Variants in ENTREP2 observed in about 807,000 individuals in gnomAD.
ENTREP2 encodes protein ENTREP2.
chr15:29,544,441 G>A, the ENTREP2 span, among the ~76,000 whole-genome samples: 1 of 149,050 alleles, frequency 6.7e-6, no homozygotes. Context: ...ACAGCCATGT[G>A]AATGTACCTA....
At chr15:29,174,671 CAG>C in the ENTREP2 span, among the ~76,000 whole-genome samples, 1 of 140,758 alleles carries the variant, frequency 7.1e-6, no homozygotes, top group Non-Finnish European at 1.5e-5. Context: ...GCCTGGGCGA[CAG>C]AGTGAGACTC....
At chr15:29,191,271 T>C in the ENTREP2 span, among the ~76,000 whole-genome samples, 2 of 152,184 alleles carry the variant, frequency 1.3e-5, no homozygotes, top group African/African-American at 4.8e-5. Flanking sequence ...ATCTTAATTA[T>C]GCTAACTATT....
the ENTREP2 span, among the ~76,000 whole-genome samples, chr15:29,438,298 C>T: frequency 6.6e-6 from 1 of 152,188 alleles, no homozygotes; most frequent in Non-Finnish European, 1.5e-5. Flanking sequence ...TGCAGCCTCC[C>T]CAGTGTTAAA....
the ENTREP2 span, among the ~76,000 whole-genome samples, chr15:29,329,922 G>C: frequency 7.9e-5 from 12 of 152,318 alleles, no homozygotes; most frequent in East Asian, 2.1e-3. Flanking sequence ...ACTTTATGTA[G>C]ATACTCCGCC....
the ENTREP2 span, among the ~76,000 whole-genome samples, chr15:29,583,938 A>C: frequency 6.6e-6 from 1 of 152,212 alleles, no homozygotes; most frequent in Non-Finnish European, 1.5e-5. Flanking sequence ...AACTCTTTGA[A>C]GAAAATATAG....
chr15:29,648,992 G>A, the ENTREP2 span, among the ~76,000 whole-genome samples: 1 of 150,624 alleles, frequency 6.6e-6, no homozygotes, highest in African/African-American at 2.4e-5. Context: ...TTCACCCAAA[G>A]TTGAGCCATC....
chr15:29,158,405 C>CTTTTT, the ENTREP2 span, among the ~76,000 whole-genome samples: 16 of 133,174 alleles, frequency 1.2e-4, 1 homozygote, highest in African/African-American at 4.6e-4. Flanking sequence ...TTATCTCTGC[C>CTTTTT]TTTTTTTTTT....
chr15:29,303,332 T>G, the ENTREP2 span, among the ~76,000 whole-genome samples: 2 of 152,270 alleles, frequency 1.3e-5, no homozygotes, highest in Non-Finnish European at 2.9e-5. Flanking sequence ...TCTTAGTTGA[T>G]GTAGTCAGCT....
chr15:29,372,890 T>C, the ENTREP2 span, among the ~76,000 whole-genome samples: 2 of 152,046 alleles, frequency 1.3e-5, no homozygotes, highest in Non-Finnish European at 2.9e-5. Flanking sequence ...AAAAAAATAA[T>C]ATTGGGAAAA....
the ENTREP2 span, among the ~76,000 whole-genome samples, chr15:29,298,514 C>G: frequency 6.6e-6 from 1 of 151,968 alleles, no homozygotes; most frequent in Non-Finnish European, 1.5e-5. Flanking sequence ...TAACTACTAT[C>G]AGAAATGGAA....
the ENTREP2 span, among the ~76,000 whole-genome samples, chr15:29,411,224 C>A: frequency 6.6e-6 from 1 of 152,182 alleles, no homozygotes; most frequent in African/African-American, 2.4e-5. Context: ...ATGAGTAGAA[C>A]TGCAGGTCAC....
the ENTREP2 span, among the ~76,000 whole-genome samples, chr15:29,625,056 A>G: frequency 2.0e-5 from 3 of 152,090 alleles, no homozygotes; most frequent in Non-Finnish European, 4.4e-5. Context: ...AGCAACCACT[A>G]ACCTGTTCTC....
the ENTREP2 span, among the ~76,000 whole-genome samples, chr15:29,398,066 C>A: frequency 1.1e-4 from 16 of 150,774 alleles, no homozygotes; most frequent in African/African-American, 3.9e-4. Context: ...CCTCCCCTCA[C>A]AAAGCAGGTT....
chr15:29,134,624 A>G, the ENTREP2 span, among the ~76,000 whole-genome samples: 1 of 152,212 alleles, frequency 6.6e-6, no homozygotes, highest in Non-Finnish European at 1.5e-5. Context: ...GAGAAGTCAC[A>G]TCTCTTCCTG....
chr15:29,645,465 G>A, the ENTREP2 span, among the ~76,000 whole-genome samples: 3 of 152,156 alleles, frequency 2.0e-5, no homozygotes, highest in South Asian at 2.1e-4. Flanking sequence ...CAGCAATGAT[G>A]CCTCCCTGCA....
the ENTREP2 span, among the ~76,000 whole-genome samples, chr15:29,459,496 C>G: frequency 6.6e-6 from 1 of 152,188 alleles, no homozygotes; most frequent in Non-Finnish European, 1.5e-5. Flanking sequence ...CCTCAATTCT[C>G]CAGTCTTCAC....
At chr15:29,590,589 CAGG>C in the ENTREP2 span, among the ~76,000 whole-genome samples, 2 of 141,028 alleles carry the variant, frequency 1.4e-5, no homozygotes, top group African/African-American at 5.3e-5. Flanking sequence ...GAGGCTGAGG[CAGG>C]AGAATTGCTT....
the ENTREP2 span, among the ~76,000 whole-genome samples, chr15:29,642,833 CG>C: frequency 6.6e-6 from 1 of 152,040 alleles, no homozygotes; most frequent in Non-Finnish European, 1.5e-5. Context: ...AGGATGATCT[CG>C]ATCTCTTGAC....
the ENTREP2 span, among the ~76,000 whole-genome samples, chr15:29,593,345 C>A: frequency 6.6e-6 from 1 of 152,078 alleles, no homozygotes; most frequent in Non-Finnish European, 1.5e-5. Context: ...GCTGGTATGC[C>A]CTCATTCATT....
Sources: gnomAD v4.1 joint callset for allele counts (sites outside exome capture counted in the v4.1 genomes callset) on GRCh38, gnomAD v4.1.1 for gene constraint, MANE v1.5 for transcripts, NCBI Gene and HGNC (gene_info 2026-07-23, HGNC 2026-07-21) for gene names.